Variants in NCKAP5 observed in about 807,000 individuals in gnomAD.
NCKAP5 encodes the protein NCK associated protein 5, also known as nck-associated protein 5.
Under a neutral mutation model 167.0 loss-of-function variants are expected in NCKAP5, and 92 were observed. The ratio of observed to expected loss-of-function variants is 0.55; its 90% CI spans 0.47 to 0.66. NCKAP5 has a LOEUF of 0.66. Among genes scored for constraint, NCKAP5 ranks in the 30% least tolerant of loss-of-function variants. NCKAP5 has a pLI of 0.00. For synonymous variants in NCKAP5, 891 were observed against 877.4 expected (o/e 1.02, Z -0.27); for missense variants, 2,378 against 2,315.0 (o/e 1.03, Z -0.56).
intron 4 of NCKAP5, chr2:133,264,953 CATT>C (rs1174722419): frequency 4.6e-5 from 7 of 152,184 alleles, no homozygotes; most frequent in Non-Finnish European, 1.5e-5. Flanking sequence ...CTGCAAAGAA[CATT>C]ATAAATGCAG....
chr2:133,437,424 G>A (rs1690560208), intron 3 of NCKAP5, among the ~76,000 whole-genome samples: 1 of 152,014 alleles, frequency 6.6e-6, no homozygotes, highest in African/African-American at 2.4e-5. Context: ...GAAGCACATG[G>A]TAACTGTTAG....
At chr2:133,041,625 C>A (rs2079220286) in intron 6 of NCKAP5, among the ~76,000 whole-genome samples, 1 of 152,078 alleles carries the variant, frequency 6.6e-6, no homozygotes, top group Non-Finnish European at 1.5e-5. Context: ...TGAGGTTTAA[C>A]AGTTCAATTT....
At chr2:133,053,868 G>A (rs552188240) in intron 6 of NCKAP5, among the ~76,000 whole-genome samples, 81 of 152,244 alleles carry the variant, frequency 5.3e-4, no homozygotes, top group Non-Finnish European at 1.1e-3. Flanking sequence ...AATACTATGA[G>A]AGCATTTCAT....
chr2:132,721,314 CAAAAG>C (rs1485626646), intron 19 of NCKAP5, among the ~76,000 whole-genome samples: 1 of 149,430 alleles, frequency 6.7e-6, no homozygotes, highest in Non-Finnish European at 1.5e-5. Flanking sequence ...TCTTGGAAAA[CAAAAG>C]AAAAGAAAAA....
At chr2:133,657,911 G>A in the NCKAP5 span, among the ~76,000 whole-genome samples, 1 of 152,132 alleles carries the variant, frequency 6.6e-6, no homozygotes, top group Non-Finnish European at 1.5e-5. Context: ...AACCCTGATG[G>A]TAAACAAGGG....
the NCKAP5 span, among the ~76,000 whole-genome samples, chr2:133,634,572 A>G: frequency 6.6e-6 from 1 of 152,200 alleles, no homozygotes; most frequent in African/African-American, 2.4e-5. Flanking sequence ...AAGCTAGGGT[A>G]TCTTTGATAG....
chr2:133,298,761 G>A (rs570336398), intron 4 of NCKAP5, among the ~76,000 whole-genome samples: 9 of 151,974 alleles, frequency 5.9e-5, no homozygotes, highest in East Asian at 1.9e-4. Context: ...ACATTATACC[G>A]GTTATACAGT....
chr2:133,042,591 G>A (rs1019469803), intron 6 of NCKAP5, among the ~76,000 whole-genome samples: 5 of 152,102 alleles, frequency 3.3e-5, no homozygotes, highest in African/African-American at 1.2e-4. Context: ...ATATTAACAT[G>A]CCAAAATTTG....
At chr2:133,195,289 G>A (rs1160147487) in intron 5 of NCKAP5, among the ~76,000 whole-genome samples, 1 of 152,162 alleles carries the variant, frequency 6.6e-6, no homozygotes, top group African/African-American at 2.4e-5. Context: ...AAAAGTTTCA[G>A]AATATATGAT....
intron 3 of NCKAP5, among the ~76,000 whole-genome samples, chr2:133,479,226 G>A (rs1285143309): frequency 2.0e-5 from 3 of 152,286 alleles, no homozygotes; most frequent in East Asian, 1.9e-4. Context: ...TGCCTGCATC[G>A]AAGGAGAGGA....
the NCKAP5 span, among the ~76,000 whole-genome samples, chr2:133,600,431 A>T: frequency 1.3e-5 from 2 of 152,218 alleles, no homozygotes; most frequent in East Asian, 1.9e-4. Context: ...ACACTGCAGC[A>T]AACACACAAA....
chr2:133,638,071 C>T, the NCKAP5 span, among the ~76,000 whole-genome samples: 1 of 152,130 alleles, frequency 6.6e-6, no homozygotes, highest in African/African-American at 2.4e-5. Context: ...AGAAAATAAA[C>T]ATAACTTACA....
At chr2:133,599,768 G>A in the NCKAP5 span, among the ~76,000 whole-genome samples, 8,475 of 152,232 alleles carry the variant, frequency 0.056, 556 homozygotes, top group East Asian at 0.34. Context: ...TGAGATGCCG[G>A]GAGAGCATGA....
At chr2:133,196,480 T>C (rs2085443324) in intron 5 of NCKAP5, among the ~76,000 whole-genome samples, 1 of 152,148 alleles carries the variant, frequency 6.6e-6, no homozygotes, top group African/African-American at 2.4e-5. Context: ...CAGCCTCTAA[T>C]GCAGAGAAGA....
chr2:132,713,928 G>A (rs1459996680), intron 19 of NCKAP5, among the ~76,000 whole-genome samples: 2 of 152,144 alleles, frequency 1.3e-5, no homozygotes, highest in South Asian at 2.1e-4. Context: ...TCCTTAAAGA[G>A]TGTGTTGATT....
At chr2:132,995,612 C>T (rs1005346893) in intron 6 of NCKAP5, among the ~76,000 whole-genome samples, 2 of 150,734 alleles carry the variant, frequency 1.3e-5, no homozygotes, top group African/African-American at 4.9e-5. Context: ...GATCACACCA[C>T]CGCACTCCAG....
chr2:133,404,045 C>T (rs1293553748), intron 3 of NCKAP5, among the ~76,000 whole-genome samples: 14 of 152,174 alleles, frequency 9.2e-5, no homozygotes, highest in Admixed American at 8.5e-4. Context: ...GTAGCCCACA[C>T]CCTACTTTCT....
At chr2:133,631,638 G>A in the NCKAP5 span, among the ~76,000 whole-genome samples, 2 of 152,132 alleles carry the variant, frequency 1.3e-5, no homozygotes, top group African/African-American at 2.4e-5. Context: ...GTAGATTAAG[G>A]TCTATGTTGA....
At chr2:133,470,369 C>A (rs1692964059) in intron 3 of NCKAP5, among the ~76,000 whole-genome samples, 1 of 152,182 alleles carries the variant, frequency 6.6e-6, no homozygotes, top group African/African-American at 2.4e-5. Flanking sequence ...TCTGCCGGTT[C>A]CCAGATCTCC....
Sources: gnomAD v4.1 joint callset for allele counts (sites outside exome capture counted in the v4.1 genomes callset) on GRCh38, gnomAD v4.1.1 for gene constraint, MANE v1.5 for transcripts, NCBI Gene and HGNC (gene_info 2026-07-23, HGNC 2026-07-21) for gene names.